The following TMEM209 variants were observed in gnomAD, a reference collection of about 807,000 sequenced individuals.
TMEM209 encodes the protein testicular tissue protein Li 202.
A neutral mutation model predicts 76.2 loss-of-function variants in TMEM209; 65 were observed. That is an observed-to-expected ratio of 0.85 (90% CI 0.70 to 1.05). The LOEUF (loss-of-function observed/expected upper bound fraction) is 1.05. Among genes scored for constraint, TMEM209 ranks in the 50% least tolerant of loss-of-function variants. TMEM209 has a pLI of 0.00. For missense variants in TMEM209, 623 were observed against 685.5 expected (o/e 0.91, Z 1.02); for synonymous variants, 239 against 237.6 (o/e 1.01, Z -0.06).
Position 130,185,333 on chromosome 7 carries a change from A to G in TMEM209, c.810T>C (p.Pro270=). 1.2e-6 allele frequency: 2 copies of G among 1,613,958 alleles called. No individual in the cohort carries two copies. Among genetic ancestry groups the G allele is most frequent in the Non-Finnish European group, 1.7e-6 (2 of 1,179,842 alleles). Residue 270 remains proline (P), a synonymous_variant, in exon 7 of 15, where the codon CCT becomes CCC. Coordinates refer to ENST00000397622, the MANE Select transcript of TMEM209 (RefSeq NM_032842.4). ...TAGAACGACTATAGTTCCAGAAAGT[A>G]GGACTGCTGGAAGGAGAGGTAGAAT... is the stretch of plus-strand genomic sequence containing the variant. ...SPDSTSPSSS[P]TFWNYSRSMG... is the part of the protein sequence containing the mutation.
At chr7:130,198,462 T>G (rs1044212484) in intron 5 of TMEM209, among the ~76,000 whole-genome samples, 2 of 151,950 alleles carry the variant, frequency 1.3e-5, no homozygotes, top group African/African-American at 4.8e-5. Context: ...AATAAAAAAA[T>G]TAGCTGGGCA....
At position 130,184,261 on chromosome 7, in the gene TMEM209, AAAATTCATGTTT is replaced by A. The variant is rs767663602; in HGVS notation, c.952-18_952-7del. On this transcript the variant is annotated splice_region_variant and splice_polypyrimidine_tract_variant and intron_variant, in intron 7 of 14. Coordinates refer to ENST00000397622, the MANE Select transcript of TMEM209 (RefSeq NM_032842.4). ...ATAGCCACTCTTGCCCAGACCTATA[AAAATTCATGTTT>A]AAAATGAACAATCAGTGAGGAAAAA... 1 of 1,591,220 alleles carries A rather than the reference AAAATTCATGTTT, an allele frequency of 6.3e-7. No individual in the cohort carries two copies. The highest frequency in any genetic ancestry group is 8.6e-7 in the Non-Finnish European group (1 of 1,168,538).
At position 130,164,900 on chromosome 7, in the gene TMEM209, C is replaced by T. The variant is rs1185939358; in HGVS notation, c.*1551G>A. 6.6e-6 allele frequency: 1 copy of T among 152,130 alleles called. No individual in the cohort carries two copies. Among genetic ancestry groups the T allele is most frequent in the East Asian group, 1.9e-4 (1 of 5,200 alleles). The allele number at this position is 152,130 out of a possible 1,614,324, so 9.4% of individuals were successfully genotyped here. A position where few individuals can be genotyped will look rare whatever the true frequency, so the allele number is the denominator to read the frequency against. Reference sequence around the variant, plus strand: ...AATATCATAGCAAATAAATATTCAACATACACCAAAAGTACTTAAAAGAAG... The same window carrying T: ...AATATCATAGCAAATAAATATTCAATATACACCAAAAGTACTTAAAAGAAG... On this transcript the variant is annotated 3_prime_UTR_variant, in exon 15 of 15. Transcript: ENST00000397622.
intron 6 of TMEM209, among the ~76,000 whole-genome samples, chr7:130,186,311 T>A (rs1797596437): frequency 6.6e-6 from 1 of 152,166 alleles, no homozygotes; most frequent in African/African-American, 2.4e-5. Context: ...GAATTAGGAA[T>A]CATCAAACGG....
rs572062671 is a variant in TMEM209 at position 130,196,697 on chromosome 7, C to T, written c.574-3874G>A. 2.8e-4 allele frequency among the ~76,000 whole-genome samples: 42 copies of T among 152,146 alleles called. No homozygotes were observed. The East Asian group carries it at 3.3e-3, about 12-fold the overall frequency. ...GCCATGGCAGGGCAAAGTGGCTGTCCGTAAACTACAAAGAGCCCTTACCAG... is the reference window on the plus strand; with the variant it reads ...GCCATGGCAGGGCAAAGTGGCTGTCTGTAAACTACAAAGAGCCCTTACCAG... On this transcript the variant is annotated intron_variant, in intron 5 of 14. Transcript: ENST00000397622.
intron 6 of TMEM209, among the ~76,000 whole-genome samples, chr7:130,187,275 A>C (rs891413189): frequency 3.3e-5 from 5 of 152,082 alleles, no homozygotes; most frequent in East Asian, 1.9e-4. Flanking sequence ...TCAAAAAAAA[A>C]AACAACATTA....
At chr7:130,195,285 T>C (rs1233843594) in intron 5 of TMEM209, among the ~76,000 whole-genome samples, 1 of 152,160 alleles carries the variant, frequency 6.6e-6, no homozygotes, top group Non-Finnish European at 1.5e-5. Flanking sequence ...CCTCTTCATC[T>C]AGCATCTCTT....
At position 130,192,739 on chromosome 7, in the gene TMEM209, G is replaced by A. The variant is rs377325560; in HGVS notation, c.658C>T (p.Arg220Cys). Residue 220 changes from arginine (R) to cysteine (C), a missense_variant, in exon 6 of 15, where the codon CGT (arginine) becomes TGT (cysteine). By Grantham distance (180) the Arg-to-Cys change is radical. Coordinates refer to ENST00000397622, the MANE Select transcript of TMEM209 (RefSeq NM_032842.4). ...VESSGLRSRY[R>C]SSPTVYNSPT... ...GAGTTGTAGACGGTAGGTGAAGAAC[G>A]GTAGCGAGATCTCAATCCACTGCTC... 24 of 1,613,862 alleles carry A rather than the reference G, an allele frequency of 1.5e-5. No individual in the cohort carries two copies. The Admixed American group carries it at 3.0e-4, about 20-fold the overall frequency.
At chr7:130,198,204 T>G (rs763636461) in intron 5 of TMEM209, among the ~76,000 whole-genome samples, 1 of 152,216 alleles carries the variant, frequency 6.6e-6, no homozygotes, top group Non-Finnish European at 1.5e-5. Flanking sequence ...ATTAGCATAG[T>G]GTTTTCAGGA....
At position 130,166,310 on chromosome 7, in the gene TMEM209, A is replaced by C; in HGVS notation, c.*141T>G. On this transcript the variant is annotated 3_prime_UTR_variant, in exon 15 of 15. Transcript: ENST00000397622. ...TTTACAATTACATTTCATAACAGCT[A>C]CATTTTCTGTTAAATCTAAAGAGTC... 1 of 521,996 alleles carries C rather than the reference A, an allele frequency of 1.9e-6. No homozygotes were observed. The allele number at this position is 521,996 out of a possible 1,614,324, so 32.3% of individuals were successfully genotyped here. A position where few individuals can be genotyped will look rare whatever the true frequency, so the allele number is the denominator to read the frequency against.
intron 10 of TMEM209, among the ~76,000 whole-genome samples, chr7:130,176,343 G>A (rs1011163672): frequency 3.3e-5 from 5 of 150,966 alleles, no homozygotes; most frequent in East Asian, 1.9e-4. Context: ...GGATGGTCTC[G>A]ATCTCCTGAC....
At chr7:130,187,661 A>G (rs1032492738) in intron 6 of TMEM209, among the ~76,000 whole-genome samples, 4 of 152,014 alleles carry the variant, frequency 2.6e-5, no homozygotes, top group African/African-American at 4.8e-5. Flanking sequence ...TAAAAAAAAA[A>G]AAAAAGAAAA....
Position 130,201,926 on chromosome 7 carries a change from A to G in TMEM209, c.497T>C (p.Leu166Pro), listed in dbSNP as rs1798218394. Residue 166 changes from leucine to proline, a missense_variant, in exon 5 of 15, where the codon CTG becomes CCG. Transcript: ENST00000397622. ...TSCMTGYSPQ[L>P]QGLSSGGSGS... ...ACTGCCACCTGAGGACAGACCTTGC[A>G]GCTGAGGGCTGTAACCAGTCATACA... The G allele has an allele frequency of 6.2e-7, 1 of 1,613,834 alleles. No individual in the cohort carries two copies. Among genetic ancestry groups the G allele is most frequent in the African/African-American group, 1.3e-5 (1 of 74,910 alleles).
chr7:130,182,450 T>C (rs1374816006), intron 8 of TMEM209, among the ~76,000 whole-genome samples: 1 of 152,192 alleles, frequency 6.6e-6, no homozygotes, highest in Non-Finnish European at 1.5e-5. Context: ...AGATAGTTTT[T>C]CAAACTAACA....
chr7:130,185,871 AC>A lies in TMEM209; in HGVS notation c.776-505del, dbSNP rs370858131. Among the ~76,000 whole-genome samples, 896 of 152,308 alleles carry A rather than the reference AC, an allele frequency of 5.9e-3. 10 individuals are homozygous for A. Among genetic ancestry groups the A allele is most frequent in the African/African-American group, 0.021 (863 of 41,562 alleles). The stretch of plus-strand genomic sequence containing the variant: ...CAGCCTGTGGTAATTCCTGAGTTGT[AC>A]TAAAAGACTATCTGATGGTTATCCT... On this transcript the variant is annotated intron_variant, in intron 6 of 14. Coordinates refer to ENST00000397622, the MANE Select transcript of TMEM209 (RefSeq NM_032842.4).
In TMEM209 at chr7:130,205,128, A is replaced by G. The variant is rs1798397704; in HGVS notation, c.3+245T>C. On this transcript the variant is annotated intron_variant, in intron 1 of 14. Coordinates refer to ENST00000397622, the MANE Select transcript of TMEM209 (RefSeq NM_032842.4). ...GACAAGCAGTCGTATCCCACAGAGGACAGAGCAATAGCTTTCGCGCCACTC... is the reference window on the plus strand; with the variant it reads ...GACAAGCAGTCGTATCCCACAGAGGGCAGAGCAATAGCTTTCGCGCCACTC... 2.8e-6 allele frequency: 4 copies of G among 1,446,422 alleles called. No individual in the cohort carries two copies. In the South Asian group the frequency reaches 4.3e-5, roughly 16 times the overall value. 89.6% of individuals were successfully genotyped at this position (1,446,422 alleles called of 1,614,324 possible).
rs111641538 is a variant in TMEM209, at chr7:130,170,974, G to A, written c.1558-501C>T. Among the ~76,000 whole-genome samples the A allele has an allele frequency of 5.9e-3, 898 of 151,890 alleles. 6 individuals carry two copies. Among genetic ancestry groups the A allele is most frequent in the African/African-American group, 0.02 (809 of 41,430 alleles). ...CTCCCAAGTAGCTGGGACCACAGGCGCCCACCGCCATGCCCGGCTAATTTT... is the reference window on the plus strand; with the variant it reads ...CTCCCAAGTAGCTGGGACCACAGGCACCCACCGCCATGCCCGGCTAATTTT... On this transcript the variant is annotated intron_variant, in intron 13 of 14. Transcript: ENST00000397622.
At chr7:130,175,399 C>G in intron 11 of TMEM209, 113 bp downstream of exon 11, 2 of 952,648 alleles carry the variant, frequency 2.1e-6, no homozygotes, top group Non-Finnish European at 3.1e-6. Flanking sequence ...GAGATCAAAG[C>G]TGCAGTGAGA....
At position 130,181,680 on chromosome 7, in the gene TMEM209, T is replaced by A. The variant is rs769856251; in HGVS notation, c.1063A>T (p.Ile355Phe). ...CTCATCTGTGTGCTGACAGACTCAATCTCTTGAACAAGTGGCACTAATATT... is the reference window on the plus strand; with the variant it reads ...CTCATCTGTGTGCTGACAGACTCAAACTCTTGAACAAGTGGCACTAATATT... ...ETILVPLVQE[I>F]ESVSTQMRRM... is the part of the protein sequence containing the mutation. Residue 355 changes from isoleucine to phenylalanine, a missense_variant, in exon 9 of 15, where the codon ATT (isoleucine) becomes TTT (phenylalanine). Transcript: ENST00000397622. 2.5e-6 allele frequency: 4 copies of A among 1,611,982 alleles called. No homozygotes were observed. Among genetic ancestry groups the A allele is most frequent in the Non-Finnish European group, 3.4e-6 (4 of 1,179,110 alleles).
Sources: allele counts gnomAD v4.1 joint callset (sites outside exome capture counted in the v4.1 genomes callset), GRCh38; gene constraint gnomAD v4.1.1; transcripts MANE v1.5; gene names NCBI Gene and HGNC (gene_info 2026-07-23, HGNC 2026-07-21).